The following SQSTM1 variants were observed in gnomAD, a reference collection of about 807,000 sequenced individuals.
SQSTM1 encodes sequestosome-1.
In SQSTM1, 36 loss-of-function variants were observed where a neutral mutation model predicts 45.1. The ratio of observed to expected loss-of-function variants is 0.80; its 90% confidence interval spans 0.61 to 1.05. The LOEUF (loss-of-function observed/expected upper bound fraction) is 1.05, where lower values mean the gene tolerates loss of function less well. Among genes scored for constraint, SQSTM1 ranks in the 50% least tolerant of loss-of-function variants. The probability of loss-of-function intolerance (pLI) is 0.00; values close to 1 mark genes in which losing one functional copy is unlikely to be tolerated. For synonymous variants in SQSTM1, 290 were observed against 244.3 expected, an observed-to-expected ratio of 1.19 and a Z score of -1.74; for missense variants, 617 against 607.1, an observed-to-expected ratio of 1.02 and a Z score of -0.17.
At chr5:179,816,135 G>T (rs1181047545), upstream of SQSTM1, among the ~76,000 whole-genome samples, 1 of 152,146 alleles carries the variant, frequency 6.6e-6, no homozygotes, top group Non-Finnish European at 1.5e-5. Flanking sequence ...GATCCTCAAA[G>T]GAGGATAATT....
intron 7 of SQSTM1, among the ~76,000 whole-genome samples, chr5:179,834,458 C>T (rs941849508): frequency 1.3e-5 from 2 of 151,684 alleles, no homozygotes; most frequent in East Asian, 3.9e-4. Flanking sequence ...GTGTTTCTCG[C>T]AGAGGGGGAT....
intron 7 of SQSTM1, chr5:179,835,950 G>T (rs1408272181): frequency 8.7e-6 from 2 of 229,422 alleles, no homozygotes; most frequent in East Asian, 1.0e-4. Flanking sequence ...CTTTGCAATT[G>T]TGAGTTGTGC....
chr5:179,824,097 C>T lies in SQSTM1; in HGVS notation c.531+10C>T. The T allele has an allele frequency of 1.2e-6, 2 of 1,613,786 alleles. No homozygotes were observed. Among genetic ancestry groups the T allele is most frequent in the Non-Finnish European group, 1.7e-6 (2 of 1,180,032 alleles). ...CGGGCACCTGTCTGAGGTGAGCAGG[C>T]CCTCTGTGCAGGCCTGGGGTGGGCT... On this transcript the variant is annotated intron_variant, in intron 3 of 7. Coordinates refer to ENST00000389805, the MANE Select transcript of SQSTM1 (RefSeq NM_003900.5).
At chr5:179,821,850 G>A (rs1757794673) in intron 1 of SQSTM1, 1 of 276,142 alleles carries the variant, frequency 3.6e-6, no homozygotes, top group Admixed American at 5.5e-5. Flanking sequence ...GTTGTGGCCA[G>A]GAGGGCGGGA....
Position 179,837,280 on chromosome 5 carries a change from T to C in SQSTM1, c.*687T>C, listed in dbSNP as rs1758619673. On this transcript the variant is annotated 3_prime_UTR_variant, in exon 8 of 8. Coordinates refer to ENST00000389805, the MANE Select transcript of SQSTM1 (RefSeq NM_003900.5). The stretch of plus-strand genomic sequence containing the variant: ...TGACGTTTGCATAGAGAGAAATGAT[T>C]GACAGTAAGTTTATTGTTAATGGTT... 6.2e-7 allele frequency: 1 copy of C among 1,606,928 alleles called. No homozygotes were observed.
rs748746226 is a variant in SQSTM1 at position 179,833,636 on chromosome 5, A to G, written c.1019A>G (p.His340Arg). The G allele has an allele frequency of 6.2e-7, 1 of 1,614,120 alleles. No homozygotes were observed. The highest frequency in any genetic ancestry group is 2.2e-5 in the East Asian group (1 of 44,872). The change falls in exon 7 of 8, where the codon CAT becomes CGT. Residue 340 changes from histidine (H) to arginine (R), a missense_variant. His to Arg is a conservative substitution (Grantham distance 29, BLOSUM62 0). Transcript: ENST00000389805. Reference protein sequence around the residue: ...NCSGGDDDWTHLSSKEVDPST... With the variant: ...NCSGGDDDWTRLSSKEVDPST... ...TCAGGAGGAGATGATGACTGGACCC[A>G]TCTGTCTTCAAAAGAAGTGGACCCG...
Position 179,836,555 on chromosome 5 carries a change from G to C in SQSTM1, c.1285G>C (p.Asp429His), listed in dbSNP as rs746655349. The C allele has an allele frequency of 1.2e-6, 2 of 1,614,110 alleles. No homozygotes were observed. Among genetic ancestry groups the C allele is most frequent in the East Asian group, 4.5e-5 (2 of 44,880 alleles). Residue 429 changes from aspartate to histidine, a missense_variant, in exon 8 of 8, where the codon GAC becomes CAC. Asp to His is a moderately conservative substitution (Grantham distance 81). Coordinates refer to ENST00000389805, the MANE Select transcript of SQSTM1 (RefSeq NM_003900.5). ...GAACTATGACATCGGAGCGGCTCTG[G>C]ACACCATCCAGTATTCAAAGCATCC... Reference protein sequence around the residue: ...TKNYDIGAALDTIQYSKHPPP... With the variant: ...TKNYDIGAALHTIQYSKHPPP...
At chr5:179,815,209 G>A (rs1213501451), upstream of SQSTM1, among the ~76,000 whole-genome samples, 1 of 152,194 alleles carries the variant, frequency 6.6e-6, no homozygotes. Flanking sequence ...TTGAGGCCAA[G>A]AGTTCAAGAC....
chr5:179,834,436 G>GATC (rs1758412047), intron 7 of SQSTM1, among the ~76,000 whole-genome samples: 1 of 128,420 alleles, frequency 7.8e-6, no homozygotes, highest in Non-Finnish European at 1.7e-5. Flanking sequence ...TATTTTTATT[G>GATC]ATCATTCTTG....
upstream of SQSTM1, among the ~76,000 whole-genome samples, chr5:179,819,609 T>G (rs1053660396): frequency 2.0e-5 from 3 of 152,204 alleles, no homozygotes; most frequent in African/African-American, 7.2e-5. Context: ...GGCCAGCACC[T>G]GTCTGTAGGC....
chr5:179,814,803 C>T (rs2113466891), upstream of SQSTM1, among the ~76,000 whole-genome samples: 1 of 152,224 alleles, frequency 6.6e-6, no homozygotes, highest in Non-Finnish European at 1.5e-5. Context: ...CGCCTCTAAT[C>T]CCAGCACTTT....
At chr5:179,816,863 CG>C (rs570537208), upstream of SQSTM1, among the ~76,000 whole-genome samples, 472 of 152,286 alleles carry the variant, frequency 3.1e-3, 2 homozygotes, top group African/African-American at 0.01. Flanking sequence ...GCAGTGCCCC[CG>C]GGTCTCCGGC....
At chr5:179,807,411 G>C (rs1757221412) in intron 1 of SQSTM1, 1 of 152,418 alleles carries the variant, frequency 6.6e-6, no homozygotes, top group Non-Finnish European at 1.5e-5. Context: ...CAGGGGCCCG[G>C]GAGGCGGGAA....
chr5:179,836,516 C>T lies in SQSTM1; in HGVS notation c.1246C>T (p.Leu416Phe). ...TGATGAAGGCGGCTGGCTCACCAGG[C>T]TCCTGCAGACCAAGAACTATGACAT... ...FSDEGGWLTR[L>F]LQTKNYDIGA... The change falls in exon 8 of 8, where the codon CTC becomes TTC. Residue 416 changes from leucine (L) to phenylalanine (F), a missense_variant. By Grantham distance (22) the Leu-to-Phe change is conservative. Coordinates refer to ENST00000389805, the MANE Select transcript of SQSTM1 (RefSeq NM_003900.5). 2 of 1,614,214 alleles carry T rather than the reference C, an allele frequency of 1.2e-6. No individual in the cohort carries two copies. The highest frequency in any genetic ancestry group is 1.7e-6 in the Non-Finnish European group (2 of 1,180,036).
chr5:179,834,827 TC>T (rs1408023731), intron 7 of SQSTM1, among the ~76,000 whole-genome samples: 9 of 152,188 alleles, frequency 5.9e-5, no homozygotes, highest in African/African-American at 2.2e-4. Context: ...ACGGCAACCA[TC>T]CGATTTCTCA....
exon 2 of SQSTM1, chr5:179,811,578 T>G (rs1215088851): frequency 6.6e-6 from 1 of 152,376 alleles, no homozygotes; most frequent in Admixed American, 6.5e-5. Flanking sequence ...TCAAAGTGTC[T>G]GCGAGATTAA....
chr5:179,837,038 G>T lies in SQSTM1; in HGVS notation c.*445G>T. 1 of 645,532 alleles carries T rather than the reference G, an allele frequency of 1.5e-6. No homozygotes were observed. The highest frequency in any genetic ancestry group is 2.7e-5 in the Admixed American group (1 of 37,016). 40.0% of individuals were successfully genotyped at this position (645,532 alleles called of 1,614,324 possible). ...AAGCCTAGGTGTTGTCAGCAGGCAG[G>T]CTGGGGAGGCCAGTGTTGTGGGCTT... On this transcript the variant is annotated 3_prime_UTR_variant, in exon 8 of 8. Coordinates refer to ENST00000389805, the MANE Select transcript of SQSTM1 (RefSeq NM_003900.5).
Position 179,823,863 on chromosome 5 carries a change from AAAG to A in SQSTM1, c.309_311del (p.Glu104del), listed in dbSNP as rs2113487449. 1.2e-6 allele frequency: 2 copies of A among 1,611,740 alleles called. No homozygotes were observed. The highest frequency in any genetic ancestry group is 1.3e-5 in the African/African-American group (1 of 74,960). On this transcript the variant is annotated inframe_deletion, in exon 3 of 8. Coordinates refer to ENST00000389805, the MANE Select transcript of SQSTM1 (RefSeq NM_003900.5). ...TCTCTTTACCCTTCCTGTAGAGAAA[AAAG>A]AGTGCCGGCGGGACCACCGCCCACC...
chr5:179,823,313 A>G (rs1757854577), intron 2 of SQSTM1, among the ~76,000 whole-genome samples: 1 of 151,856 alleles, frequency 6.6e-6, no homozygotes, highest in South Asian at 2.1e-4. Context: ...TAAAAATACA[A>G]AAATTAGCCG....
Sources: allele counts gnomAD v4.1 joint callset (sites outside exome capture counted in the v4.1 genomes callset), GRCh38; gene constraint gnomAD v4.1.1; transcripts MANE v1.5; gene names NCBI Gene and HGNC (gene_info 2026-07-23, HGNC 2026-07-21).